C4orf50: variants seen among roughly 807,000 people sequenced by gnomAD.
C4orf50 encodes the protein uncharacterized protein C4orf50.
In C4orf50, 80 loss-of-function variants were observed where a neutral mutation model predicts 77.2. The observed-to-expected ratio is 1.04, with a 90% CI of 0.87 to 1.25. The LOEUF (loss-of-function observed/expected upper bound fraction) is 1.25. C4orf50 is among the 50% of genes most tolerant of loss of function. C4orf50 has a pLI of 0.00. For missense variants in C4orf50, 1,257 were observed against 1,152.9 expected (o/e 1.09, Z -1.31); for synonymous variants, 532 against 465.3 (o/e 1.14, Z -1.84).
At chr4:5,973,118 A>C (rs1720028641) in intron 31 of C4orf50, among the ~76,000 whole-genome samples, 2 of 152,170 alleles carry the variant, frequency 1.3e-5, no homozygotes, top group South Asian at 2.1e-4. Context: ...GGCCCATCGG[A>C]GATGGGCCCA....
rs146241855 is a variant in C4orf50, at chr4:5,999,996, C to T, written c.964-5520G>A. On this transcript the variant is annotated intron_variant, in intron 25 of 33. Transcript: ENST00000531445. ...GACTGAGCTTGAAGGAGCAGAACAC[C>T]GGGGGCCTTGAATGCCGTGGATAGG... Among the ~76,000 whole-genome samples the T allele has an allele frequency of 2.4e-4, 36 of 152,138 alleles. No individual in the cohort carries two copies. The East Asian group carries it at 5.6e-3, about 24-fold the overall frequency.
At chr4:5,991,210 C>T (rs1577975010) in intron 27 of C4orf50, among the ~76,000 whole-genome samples, 1 of 152,362 alleles carries the variant, frequency 6.6e-6, no homozygotes, top group East Asian at 1.9e-4. Flanking sequence ...CTAACTCCCC[C>T]TATAGCCCTG....
chr4:5,967,508 A>T, intron 31 of C4orf50, 46 bp from the exon 10 acceptor site: 1 of 1,568,108 alleles, frequency 6.4e-7, no homozygotes, highest in Non-Finnish European at 8.8e-7. Flanking sequence ...GGCACTGGAG[A>T]GACAGCCTTG....
At chr4:5,937,318 G>T (rs2108748829) in intron 7 of C4orf50, among the ~76,000 whole-genome samples, 1 of 152,218 alleles carries the variant, frequency 6.6e-6, no homozygotes, top group South Asian at 2.1e-4. Flanking sequence ...GCCTTCTTAG[G>T]ATTCTCTGTG....
At chr4:5,960,512 G>A (rs781540235) in intron 33 of C4orf50, among the ~76,000 whole-genome samples, 1 of 151,936 alleles carries the variant, frequency 6.6e-6, no homozygotes. Flanking sequence ...GGTGGAAGAC[G>A]GCTGAAAAAG....
At chr4:5,980,136 C>T (rs1280977286) in intron 29 of C4orf50, 38 bp downstream of exon 7, 3 of 1,530,776 alleles carry the variant, frequency 2.0e-6, no homozygotes, top group African/African-American at 1.4e-5. Flanking sequence ...GTGTGGGAGC[C>T]CTGGCTGACA....
intron 7 of C4orf50, among the ~76,000 whole-genome samples, chr4:5,912,458 A>G (rs1302059819): frequency 6.6e-6 from 1 of 152,264 alleles, no homozygotes; most frequent in Admixed American, 6.5e-5. Flanking sequence ...GGATGAGTGT[A>G]CAAAGCATTT....
chr4:5,909,030 A>C (rs1016872353), intron 7 of C4orf50, among the ~76,000 whole-genome samples: 2 of 152,068 alleles, frequency 1.3e-5, no homozygotes, highest in African/African-American at 2.4e-5. Flanking sequence ...GTCCCCACAC[A>C]ATCCACTCTA....
intron 32 of C4orf50, 85 bp from the exon 11 acceptor site, chr4:5,965,230 T>C: frequency 5.8e-6 from 8 of 1,384,310 alleles, no homozygotes; most frequent in Non-Finnish European, 7.0e-6. Flanking sequence ...CATAACCTTC[T>C]TCACTCTCTA....
intron 7 of C4orf50, among the ~76,000 whole-genome samples, chr4:5,924,463 C>T (rs977915323): frequency 9.2e-5 from 14 of 152,172 alleles, no homozygotes; most frequent in African/African-American, 2.9e-4. Context: ...GCCCCACACC[C>T]AGGGCCAGCA....
intron 7 of C4orf50, among the ~76,000 whole-genome samples, chr4:5,950,317 C>T (rs993705817): frequency 2.6e-5 from 4 of 152,086 alleles, no homozygotes; most frequent in African/African-American, 7.2e-5. Context: ...GAGCTGGTAT[C>T]GTGACTGTTT....
chr4:5,993,573 CTG>C (rs1277515672), intron 26 of C4orf50, among the ~76,000 whole-genome samples: 2 of 152,118 alleles, frequency 1.3e-5, no homozygotes, highest in East Asian at 3.9e-4. Context: ...TCCCAGCACT[CTG>C]GGAGTCTGAG....
rs1717825917 is a variant in C4orf50, at chr4:5,932,835, A to T, written c.*2474+24066T>A. Among the ~76,000 whole-genome samples the T allele has an allele frequency of 6.6e-6, 1 of 152,222 alleles. No individual in the cohort carries two copies. The highest frequency in any genetic ancestry group is 1.5e-5 in the Non-Finnish European group (1 of 68,040). The stretch of plus-strand genomic sequence containing the variant: ...TGAACTTCAGTTTCCTTCTGCACAG[A>T]GGAGAATATTACTAGTTAGCTTCAC... On this transcript the variant is annotated intron_variant, in intron 7 of 7. Transcript: ENST00000324058. The surrounding 1 kb of genome is among the most constrained non-coding windows in gnomAD (Gnocchi z 4.2).
intron 25 of C4orf50, among the ~76,000 whole-genome samples, chr4:5,996,393 G>C (rs1196078004): frequency 6.6e-6 from 1 of 152,072 alleles, no homozygotes. Context: ...ACCCTTCGAC[G>C]CTTCCTGTTA....
intron 7 of C4orf50, among the ~76,000 whole-genome samples, chr4:5,943,497 C>T (rs1718350872): frequency 6.6e-6 from 1 of 152,240 alleles, no homozygotes; most frequent in Non-Finnish European, 1.5e-5. Context: ...AGCCTCTCCC[C>T]TTCACCCCAA....
intron 28 of C4orf50, among the ~76,000 whole-genome samples, chr4:5,987,381 A>G (rs952505323): frequency 2.1e-4 from 27 of 126,592 alleles, no homozygotes; most frequent in Admixed American, 1.6e-3. Context: ...ACTGCACTCC[A>G]GCCTGGGTGA....
intron 7 of C4orf50, among the ~76,000 whole-genome samples, chr4:5,950,656 A>G (rs575028254): frequency 7.9e-5 from 12 of 152,170 alleles, no homozygotes; most frequent in Non-Finnish European, 1.3e-4. Flanking sequence ...TTGACTGATA[A>G]CATCCAATAG....
rs1223051331 is a variant in C4orf50 at position 6,015,414 on chromosome 4, G to A, written c.287+2731C>T. ...GGCCTCAGGAGAAACCAATCCTGCC[G>A]ACCCCCCGAGCTTGGGCTTTTGGGA... is the stretch of plus-strand genomic sequence containing the variant. On this transcript the variant is annotated intron_variant, in intron 23 of 33. Transcript: ENST00000531445. This position sits in a 1 kb window ranked among gnomAD's most constrained non-coding sequence, Gnocchi z 4.4. 6.6e-6 allele frequency among the ~76,000 whole-genome samples: 1 copy of A among 151,958 alleles called. No individual in the cohort carries two copies. Among genetic ancestry groups the A allele is most frequent in the African/African-American group, 2.4e-5 (1 of 41,358 alleles).
At chr4:5,951,572 T>A (rs1346253119) in intron 7 of C4orf50, among the ~76,000 whole-genome samples, 2 of 152,232 alleles carry the variant, frequency 1.3e-5, no homozygotes, top group Admixed American at 1.3e-4. Flanking sequence ...AGTCACTTTA[T>A]CTATGAGGTG....
Sources: allele counts gnomAD v4.1 joint callset (sites outside exome capture counted in the v4.1 genomes callset), GRCh38; gene constraint gnomAD v4.1.1; non-coding constraint Gnocchi (gnomAD v3.1); transcripts MANE v1.5; gene names NCBI Gene and HGNC (gene_info 2026-07-23, HGNC 2026-07-21).